The following SEMA4D variants were observed in gnomAD, a reference collection of about 807,000 sequenced individuals.
SEMA4D encodes the protein semaphorin 4D, also known as semaphorin-4D.
A neutral mutation model predicts 74.8 loss-of-function variants in SEMA4D; 22 were observed. The observed-to-expected ratio is 0.29, with a 90% CI of 0.21 to 0.42. The LOEUF (loss-of-function observed/expected upper bound fraction) is 0.42, where lower values mean the gene tolerates loss of function less well. Ranked by LOEUF, SEMA4D falls within the 10% of genes least tolerant of loss-of-function variation. SEMA4D has a pLI of 1.00. For synonymous variants in SEMA4D, 445 were observed against 463.7 expected, an observed-to-expected ratio of 0.96 and a Z score of 0.52; for missense variants, 937 against 1,118.4, an observed-to-expected ratio of 0.84 and a Z score of 2.31.
intron 7 of SEMA4D, among the ~76,000 whole-genome samples, chr9:89,393,058 G>A (rs771036821): frequency 1.2e-4 from 19 of 152,142 alleles, no homozygotes; most frequent in Non-Finnish European, 1.6e-4. Flanking sequence ...TGAGCCTCCC[G>A]AGTAGCTAGG....
chr9:89,381,085 C>G lies in SEMA4D; in HGVS notation c.1633G>C (p.Glu545Gln), dbSNP rs747754775. The G allele has an allele frequency of 8.1e-6, 13 of 1,614,032 alleles. No homozygotes were observed. Residue 545 changes from glutamate (E) to glutamine (Q), a missense_variant, in exon 15 of 16, where the codon GAG (glutamate) becomes CAG (glutamine). Glu to Gln is a conservative substitution (Grantham distance 29). Coordinates refer to ENST00000422704, the MANE Select transcript of SEMA4D (RefSeq NM_001371194.2). This position sits in a 1 kb window ranked among gnomAD's most constrained non-coding sequence, Gnocchi z 4.6. ...CACACAGAAGCATCGCCGCTCATCT[C>G]CTGAATCAAACCCCTGCAAAACAAC... ...TESPSRGLIQ[E>Q]MSGDASVCPD...
intron 2 of SEMA4D, among the ~76,000 whole-genome samples, chr9:89,426,565 G>A (rs1322598275): frequency 3.3e-5 from 5 of 152,230 alleles, no homozygotes; most frequent in South Asian, 4.1e-4. Flanking sequence ...CACTCCAGGC[G>A]GGAAACAAAA....
chr9:89,391,421 G>A lies in SEMA4D; in HGVS notation c.623-6C>T, dbSNP rs1339357580. On this transcript the variant is annotated splice_polypyrimidine_tract_variant and splice_region_variant and intron_variant, in intron 8 of 15. Coordinates refer to ENST00000422704, the MANE Select transcript of SEMA4D (RefSeq NM_001371194.2). ...AGCAAACACGAAACTAGGCTCTGCA[G>A]AGAGAGGACAGTGATTATCCCAGAA... 10 of 1,614,200 alleles carry A rather than the reference G, an allele frequency of 6.2e-6. No individual in the cohort carries two copies. Among genetic ancestry groups the A allele is most frequent in the Non-Finnish European group, 7.6e-6 (9 of 1,180,028 alleles).
chr9:89,422,576 G>A (rs776365291), intron 2 of SEMA4D, among the ~76,000 whole-genome samples: 2 of 152,242 alleles, frequency 1.3e-5, no homozygotes, highest in Non-Finnish European at 2.9e-5. Context: ...CCATGCGTGC[G>A]CATCCCCGTG....
In SEMA4D at chr9:89,450,669, A is replaced by G. The variant is rs1434665308; in HGVS notation, c.-244+5219T>C. ...AAGTCGAAAAACCCAGGAAAAAAAA[A>G]AAAAAAAAAAAAAAAAAAGGCCTCC... is the stretch of plus-strand genomic sequence containing the variant. On this transcript the variant is annotated intron_variant, in intron 2 of 15. Transcript: ENST00000422704. 276 of 463,732 alleles carry G rather than the reference A, an allele frequency of 6.0e-4. 1 individual carries two copies. Among genetic ancestry groups the G allele is most frequent in the Middle Eastern group, 6.4e-4 (1 of 1,562 alleles). 28.7% of individuals were successfully genotyped at this position (463,732 alleles called of 1,614,324 possible).
At chr9:89,363,187 C>T (rs746766673) in intron 18 of SEMA4D, among the ~76,000 whole-genome samples, 24 of 152,198 alleles carry the variant, frequency 1.6e-4, no homozygotes, top group Admixed American at 1.4e-3. Context: ...CTCCCAGTCT[C>T]GCCTCCCTTC....
rs115380579 is a variant in SEMA4D, at chr9:89,449,758, A to G, written c.-244+6130T>C. On this transcript the variant is annotated intron_variant, in intron 2 of 15. Coordinates refer to ENST00000422704, the MANE Select transcript of SEMA4D (RefSeq NM_001371194.2). ...GAAACAGGGAAAATCTTCAAGAAAG[A>G]AAAAGAGATGAAGAAACGTATTGCT... 1.6e-3 allele frequency: 2,499 copies of G among 1,518,818 alleles called. 36 individuals carry two copies. The African/African-American group carries it at 0.03, about 18-fold the overall frequency. The allele number at this position is 1,518,818 out of a possible 1,614,324, so 94.1% of individuals were successfully genotyped here.
chr9:89,426,209 C>T (rs906294159), intron 2 of SEMA4D, among the ~76,000 whole-genome samples: 48 of 152,230 alleles, frequency 3.2e-4, no homozygotes, highest in African/African-American at 1.1e-3. Context: ...CGTTCTGCCA[C>T]GGTGCAGGCA....
chr9:89,418,358 G>A (rs546468928), intron 2 of SEMA4D: 27 of 985,034 alleles, frequency 2.7e-5, no homozygotes, highest in South Asian at 9.4e-5. Context: ...AGCCCAGCCC[G>A]TTACCTGGTG....
chr9:89,454,171 T>G (rs1296994741), intron 2 of SEMA4D, among the ~76,000 whole-genome samples: 1 of 152,134 alleles, frequency 6.6e-6, no homozygotes, highest in African/African-American at 2.4e-5. Context: ...TCCAGGAAGA[T>G]CCCAGCCTGG....
intron 16 of SEMA4D, among the ~76,000 whole-genome samples, chr9:89,369,839 G>A (rs1834260322): frequency 6.6e-6 from 1 of 152,112 alleles, no homozygotes; most frequent in South Asian, 2.1e-4. Context: ...TAAACCCACT[G>A]TGAGTTGAAA....
At chr9:89,385,777 G>C (rs1271393090) in intron 13 of SEMA4D, 5 of 502,780 alleles carry the variant, frequency 9.9e-6, no homozygotes, top group Non-Finnish European at 1.3e-5. Context: ...GGGAGGAGAG[G>C]ACTGACTGGG....
intron 13 of SEMA4D, among the ~76,000 whole-genome samples, chr9:89,383,703 G>A (rs145936449): frequency 1.3e-5 from 2 of 152,172 alleles, no homozygotes; most frequent in East Asian, 1.9e-4. Flanking sequence ...AGCTAGGTGG[G>A]GGCGCTCAAG....
At chr9:89,363,668 T>G (rs1833112535) in intron 17 of SEMA4D, 1 of 1,593,526 alleles carries the variant, frequency 6.3e-7, no homozygotes, top group East Asian at 2.2e-5. Context: ...TTCCAGCTGT[T>G]TTTTTCACTG....
At chr9:89,453,819 T>C (rs1265202663) in intron 2 of SEMA4D, among the ~76,000 whole-genome samples, 1 of 152,188 alleles carries the variant, frequency 6.6e-6, no homozygotes, top group Non-Finnish European at 1.5e-5. Flanking sequence ...TAAAAGTTAT[T>C]TTTGCTTCTA....
chr9:89,469,125 T>C (rs1030989101), intron 1 of SEMA4D, among the ~76,000 whole-genome samples: 4 of 152,118 alleles, frequency 2.6e-5, no homozygotes, highest in Admixed American at 6.5e-5. Context: ...ACAGACCCCA[T>C]AGACATTAAA....
chr9:89,363,293 A>G, intron 18 of SEMA4D: 1 of 1,314,622 alleles, frequency 7.6e-7, no homozygotes, highest in Non-Finnish European at 1.0e-6. Context: ...CAGATTTCAT[A>G]AAGGAAACTG....
chr9:89,447,048 T>C (rs1467131467), intron 2 of SEMA4D, among the ~76,000 whole-genome samples: 2 of 151,560 alleles, frequency 1.3e-5, no homozygotes, highest in Non-Finnish European at 2.9e-5. Context: ...CCAGACCATC[T>C]CTCCCACCGC....
chr9:89,372,251 C>G (rs1003443603), downstream of SEMA4D, among the ~76,000 whole-genome samples: 4 of 46,100 alleles, frequency 8.7e-5, no homozygotes, highest in Admixed American at 3.3e-4. Flanking sequence ...TGTGTCTGGG[C>G]TGTGGTGGGT....
Sources: allele counts gnomAD v4.1 joint callset (sites outside exome capture counted in the v4.1 genomes callset), GRCh38; gene constraint gnomAD v4.1.1; non-coding constraint Gnocchi (gnomAD v3.1); transcripts MANE v1.5; gene names NCBI Gene and HGNC (gene_info 2026-07-23, HGNC 2026-07-21).